The following OVOL2 variants were observed in gnomAD, a reference collection of about 807,000 sequenced individuals.
OVOL2 encodes the protein transcription factor Ovo-like 2.
OVOL2 carries 13 observed loss-of-function variants against 18.1 expected under a neutral mutation model. The ratio of observed to expected loss-of-function variants is 0.72; its 90% CI spans 0.47 to 1.14. The LOEUF is 1.14. Among genes scored for constraint, OVOL2 ranks in the 50% most tolerant of loss-of-function variants. The pLI is 0.00. For synonymous variants in OVOL2, 166 were observed against 162.7 expected (o/e 1.02, Z -0.16); for missense variants, 335 against 383.0 (o/e 0.87, Z 1.05).
Position 18,057,809 on chromosome 20 carries a change from G to GCGACTCCCAGCC in OVOL2, c.-187_-176dup. ...CCCAGGCCTCTCCCCCGCACGCCTGGCGACTCCCAGCCTCCCGGCTCGGCG... is the reference window on the plus strand; with the variant it reads ...CCCAGGCCTCTCCCCCGCACGCCTGGCGACTCCCAGCCCGACTCCCAGCCTCCCGGCTCGGCG... On this transcript the variant is annotated 5_prime_UTR_variant, in exon 1 of 4. Coordinates refer to ENST00000278780, the MANE Select transcript of OVOL2 (RefSeq NM_021220.4). This position sits in a 1 kb window ranked among gnomAD's most constrained non-coding sequence, Gnocchi z 6.3. The GCGACTCCCAGCC allele has an allele frequency of 1.5e-6, 2 of 1,368,608 alleles. No homozygotes were observed. Among genetic ancestry groups the GCGACTCCCAGCC allele is most frequent in the Non-Finnish European group, 1.9e-6 (2 of 1,068,154 alleles). 84.8% of individuals were successfully genotyped at this position (1,368,608 alleles called of 1,614,324 possible). A position where few individuals can be genotyped will look rare whatever the true frequency, so the allele number is the denominator to read the frequency against.
rs139164657 is a variant in OVOL2 at position 18,033,128 on chromosome 20, A to G, written c.512-8176T>C. 3.4e-4 allele frequency among the ~76,000 whole-genome samples: 52 copies of G among 152,268 alleles called. No individual in the cohort carries two copies. The East Asian group carries it at 3.9e-3, about 11-fold the overall frequency. On this transcript the variant is annotated intron_variant, in intron 3 of 3. Transcript: ENST00000278780. ...CATCTCCCAATCTGCATTTTTCCCAATCTAGTCAATCCTTCCCTTTGGGCT... is the reference window on the plus strand; with the variant it reads ...CATCTCCCAATCTGCATTTTTCCCAGTCTAGTCAATCCTTCCCTTTGGGCT...
intron 3 of OVOL2, among the ~76,000 whole-genome samples, chr20:18,034,556 T>C (rs975478898): frequency 6.6e-5 from 10 of 152,132 alleles, no homozygotes; most frequent in Admixed American, 2.6e-4. Context: ...ACAGAGTTTT[T>C]CTGCACAGGT....
chr20:18,041,597 T>G lies in OVOL2; in HGVS notation c.448A>C (p.Thr150Pro), dbSNP rs901795493. The G allele has an allele frequency of 5.6e-6, 9 of 1,613,966 alleles. No individual in the cohort carries two copies. The highest frequency in any genetic ancestry group is 7.6e-6 in the Non-Finnish European group (9 of 1,180,008). Residue 150 changes from threonine (T) to proline (P), a missense_variant, in exon 3 of 4, where the codon ACC (threonine) becomes CCC (proline). Coordinates refer to ENST00000278780, the MANE Select transcript of OVOL2 (RefSeq NM_021220.4). Reference protein sequence around the residue: ...CHNQVKRHLCTFCGKGFNDTF... With the variant: ...CHNQVKRHLCPFCGKGFNDTF... Reference sequence around the variant, plus strand: ...TCGTTGAAGCCCTTGCCGCAGAAGGTGCACAGGTGTCTTTTCACCTGGTTG... The same window carrying G: ...TCGTTGAAGCCCTTGCCGCAGAAGGGGCACAGGTGTCTTTTCACCTGGTTG...
intron 3 of OVOL2, among the ~76,000 whole-genome samples, chr20:18,039,849 G>C (rs1160129200): frequency 6.6e-6 from 1 of 152,110 alleles, no homozygotes; most frequent in African/African-American, 2.4e-5. Flanking sequence ...GCCCCATCTG[G>C]AGGGAGGAAA....
intron 2 of OVOL2, among the ~76,000 whole-genome samples, chr20:18,049,031 T>A (rs559976357): frequency 2.4e-4 from 36 of 152,308 alleles, no homozygotes; most frequent in Middle Eastern, 6.8e-3. Context: ...GGGAGGGAAA[T>A]GACCTTGGTC....
At chr20:18,026,531 G>A (rs1036683096) in intron 3 of OVOL2, among the ~76,000 whole-genome samples, 5 of 151,920 alleles carry the variant, frequency 3.3e-5, no homozygotes, top group African/African-American at 7.3e-5. Flanking sequence ...ACAGGCACCC[G>A]CCACCACGCC....
chr20:18,056,590 G>C lies in OVOL2; in HGVS notation c.321+67C>G. On this transcript the variant is annotated intron_variant, in intron 2 of 3. Coordinates refer to ENST00000278780, the MANE Select transcript of OVOL2 (RefSeq NM_021220.4). The surrounding 1 kb of genome is among the most constrained non-coding windows in gnomAD (Gnocchi z 4.2). ...GCAGGCGGGCGCGGCAGGGAGGGGC[G>C]CCGGCCTCGGGAGCCCGACGCCAGG... 1 of 1,296,206 alleles carries C rather than the reference G, an allele frequency of 7.7e-7. No individual in the cohort carries two copies. Among genetic ancestry groups the C allele is most frequent in the Non-Finnish European group, 9.8e-7 (1 of 1,019,808 alleles). The allele number at this position is 1,296,206 out of a possible 1,614,324, so 80.3% of individuals were successfully genotyped here.
chr20:18,056,936 G>C lies in OVOL2; in HGVS notation c.101-59C>G. 7.0e-7 allele frequency: 1 copy of C among 1,418,442 alleles called. No homozygotes were observed. The highest frequency in any genetic ancestry group is 1.5e-5 in the South Asian group (1 of 67,012). 87.9% of individuals were successfully genotyped at this position (1,418,442 alleles called of 1,614,324 possible). Reference sequence around the variant, plus strand: ...ACTCGGCGTCAACCCGCACGCCCGCGGCAGTTTGACCTGCGGGCGGTGCTG... The same window carrying C: ...ACTCGGCGTCAACCCGCACGCCCGCCGCAGTTTGACCTGCGGGCGGTGCTG... On this transcript the variant is annotated intron_variant, in intron 1 of 3. Transcript: ENST00000278780. This position sits in a 1 kb window ranked among gnomAD's most constrained non-coding sequence, Gnocchi z 4.2.
chr20:18,045,795 CAG>C (rs1387281382), intron 2 of OVOL2, among the ~76,000 whole-genome samples: 7 of 152,100 alleles, frequency 4.6e-5, no homozygotes, highest in Admixed American at 2.6e-4. Flanking sequence ...CTTTATAAAA[CAG>C]GGGAGAAAAT....
chr20:18,034,136 G>A lies in OVOL2; in HGVS notation c.511+7398C>T, dbSNP rs1019989525. Among the ~76,000 whole-genome samples, 4 of 152,024 alleles carry A rather than the reference G, an allele frequency of 2.6e-5. No individual in the cohort carries two copies. In the East Asian group the frequency reaches 7.7e-4, roughly 29 times the overall value. ...CTGCTGCTGGCTTCCCATCCAGACCGCTTTTCTGGGTCAGTGCATGTCCCC... is the reference window on the plus strand; with the variant it reads ...CTGCTGCTGGCTTCCCATCCAGACCACTTTTCTGGGTCAGTGCATGTCCCC... On this transcript the variant is annotated intron_variant, in intron 3 of 3. Transcript: ENST00000278780.
intron 3 of OVOL2, among the ~76,000 whole-genome samples, chr20:18,029,155 T>C (rs1442615802): frequency 1.3e-5 from 2 of 152,130 alleles, no homozygotes; most frequent in South Asian, 2.1e-4. Context: ...GCCTCCCTAG[T>C]AGCTGGGACC....
Position 18,057,521 on chromosome 20 carries a change from CCG to C in OVOL2, c.100+12_100+13del, listed in dbSNP as rs1215161880. 4 of 1,559,560 alleles carry C rather than the reference CCG, an allele frequency of 2.6e-6. No individual in the cohort carries two copies. The highest frequency in any genetic ancestry group is 3.5e-6 in the Non-Finnish European group (4 of 1,151,702). ...GGAGCCCAGCGCCCAGGCCCGGCCC[CCG>C]CGCGCGCTCACCTGGGATGTAGGTG... On this transcript the variant is annotated intron_variant, in intron 1 of 3. Transcript: ENST00000278780. This position sits in a 1 kb window ranked among gnomAD's most constrained non-coding sequence, Gnocchi z 6.3.
rs1430854503 is a variant in OVOL2 at position 18,057,538 on chromosome 20, G to A, written c.97C>T (p.Pro33Ser). 17 of 1,576,902 alleles carry A rather than the reference G, an allele frequency of 1.1e-5. No homozygotes were observed. The highest frequency in any genetic ancestry group is 1.5e-5 in the Non-Finnish European group (17 of 1,161,210). Reference protein sequence around the residue: ...PDEKRADTYIPVGLGRLLHDP... With the variant: ...PDEKRADTYISVGLGRLLHDP... ...CCCGGCCCCCGCGCGCGCTCACCTG[G>A]GATGTAGGTGTCTGCCCTTTTCTCA... The change falls in exon 1 of 4, where the codon CCA (proline) becomes TCA (serine). Residue 33 changes from proline to serine, a missense_variant. By Grantham distance (74) the Pro-to-Ser change is moderately conservative. Coordinates refer to ENST00000278780, the MANE Select transcript of OVOL2 (RefSeq NM_021220.4). The surrounding 1 kb of genome is among the most constrained non-coding windows in gnomAD (Gnocchi z 6.3).
At chr20:18,036,785 A>G (rs2036618619) in intron 3 of OVOL2, among the ~76,000 whole-genome samples, 1 of 152,078 alleles carries the variant, frequency 6.6e-6, no homozygotes, top group Non-Finnish European at 1.5e-5. Context: ...ACTTTGTGCT[A>G]CTAATAGGTC....
intron 3 of OVOL2, among the ~76,000 whole-genome samples, chr20:18,038,560 G>T (rs933113572): frequency 3.3e-5 from 5 of 152,216 alleles, no homozygotes; most frequent in Non-Finnish European, 7.3e-5. Flanking sequence ...CAGCAATGGA[G>T]AATTAACTCA....
In OVOL2 at chr20:18,024,588, C is replaced by T. The variant is rs556311647; in HGVS notation, c.*48G>A. On this transcript the variant is annotated 3_prime_UTR_variant, in exon 4 of 4. Coordinates refer to ENST00000278780, the MANE Select transcript of OVOL2 (RefSeq NM_021220.4). ...GGGGAAGCTGAAAACCAAAAATCCA[C>T]GTAGACATACGTGGCAGTGTGAACG... 3.2e-5 allele frequency: 48 copies of T among 1,496,338 alleles called. No homozygotes were observed. The highest frequency in any genetic ancestry group is 3.2e-4 in the East Asian group (13 of 41,122). The allele number at this position is 1,496,338 out of a possible 1,614,324, so 92.7% of individuals were successfully genotyped here. A position where few individuals can be genotyped will look rare whatever the true frequency, so the allele number is the denominator to read the frequency against.
At position 18,024,872 on chromosome 20, in the gene OVOL2, G is replaced by A. The variant is rs777397624; in HGVS notation, c.592C>T (p.His198Tyr). Residue 198 changes from histidine to tyrosine, a missense_variant, in exon 4 of 4, where the codon CAT becomes TAT. Coordinates refer to ENST00000278780, the MANE Select transcript of OVOL2 (RefSeq NM_021220.4). ...TAGGCATACTGCTGCTGCACCCCAT[G>A]GATTTTCTTCAGGTGGGACTCCAGA... is the stretch of plus-strand genomic sequence containing the variant. ...CSLESHLKKIHGVQQQYAYKQ... is the reference protein window; with the variant it reads ...CSLESHLKKIYGVQQQYAYKQ... 6.2e-7 allele frequency: 1 copy of A among 1,614,200 alleles called. No homozygotes were observed. The highest frequency in any genetic ancestry group is 2.2e-5 in the East Asian group (1 of 44,884).
At chr20:18,032,705 C>G (rs548505114) in intron 3 of OVOL2, among the ~76,000 whole-genome samples, 75 of 152,206 alleles carry the variant, frequency 4.9e-4, no homozygotes, top group Non-Finnish European at 8.8e-4. Flanking sequence ...CAGGGTTTCA[C>G]CATGCTGGCC....
In OVOL2 at chr20:18,056,812, C is replaced by T. The variant is rs929327245; in HGVS notation, c.166G>A (p.Gly56Ser). ...DCRSDGGSSS[G>S]SGSSSAGEPG... ...TCCCCCGCGCTGCTGCTGCCGCTGC[C>T]GCTGCTGCTGCCGCCGTCGCTGCGG... The change falls in exon 2 of 4, where the codon GGC becomes AGC. Residue 56 changes from glycine (G) to serine (S), a missense_variant. Physicochemically the swap from Gly to Ser is moderately conservative, Grantham distance 56. Coordinates refer to ENST00000278780, the MANE Select transcript of OVOL2 (RefSeq NM_021220.4). The surrounding 1 kb of genome is among the most constrained non-coding windows in gnomAD (Gnocchi z 4.2). The T allele has an allele frequency of 6.7e-7, 1 of 1,491,650 alleles. No individual in the cohort carries two copies. Among genetic ancestry groups the T allele is most frequent in the South Asian group, 1.3e-5 (1 of 79,470 alleles). 92.4% of individuals were successfully genotyped at this position (1,491,650 alleles called of 1,614,324 possible). A position where few individuals can be genotyped will look rare whatever the true frequency, so the allele number is the denominator to read the frequency against.
Sources: gnomAD v4.1 joint callset for allele counts (sites outside exome capture counted in the v4.1 genomes callset) on GRCh38, gnomAD v4.1.1 for gene constraint, Gnocchi (gnomAD v3.1) non-coding constraint, MANE v1.5 for transcripts, NCBI Gene and HGNC (gene_info 2026-07-23, HGNC 2026-07-21) for gene names.